Variants in CSMD1 observed in about 807,000 individuals in gnomAD.
CSMD1 encodes CUB and Sushi multiple domains 1.
A neutral mutation model predicts 417.5 loss-of-function variants in CSMD1; 213 were observed. The observed-to-expected ratio is 0.51, with a 90% CI of 0.46 to 0.57. CSMD1 has a LOEUF of 0.57. Among genes scored for constraint, CSMD1 ranks in the 20% least tolerant of loss-of-function variants. The pLI is 0.00. For missense variants in CSMD1, 6,923 were observed against 4,529.7 expected (o/e 1.53, Z -15.17); for synonymous variants, 2,862 against 1,736.8 (o/e 1.65, Z -16.11).
intron 69 of CSMD1, among the ~76,000 whole-genome samples, chr8:2,939,141 A>T (rs1406063494): frequency 6.6e-6 from 1 of 152,142 alleles, no homozygotes; most frequent in East Asian, 1.9e-4. Flanking sequence ...GCCCCAGGGA[A>T]ATCGGGAAGG....
At chr8:3,384,755 TAA>T (rs1394389436) in intron 18 of CSMD1, among the ~76,000 whole-genome samples, 2 of 125,978 alleles carry the variant, frequency 1.6e-5, no homozygotes, top group Non-Finnish European at 3.2e-5. Flanking sequence ...TATATTTATA[TAA>T]ATTATATAAA....
rs531242356 is a variant in CSMD1 at position 3,289,414 on chromosome 8, A to G, written c.3951-5068T>C. On this transcript the variant is annotated intron_variant, in intron 25 of 69. Transcript: ENST00000635120. ...GAGGAATCGCCACACTGACTTCACA[A>G]TGGTTGAACTAGTTTACAGTCCCAC... Among the ~76,000 whole-genome samples the G allele has an allele frequency of 1.9e-4, 28 of 147,492 alleles. No homozygotes were observed. The East Asian group carries it at 4.7e-3, about 25-fold the overall frequency.
intron 5 of CSMD1, among the ~76,000 whole-genome samples, chr8:3,914,721 C>CTT (rs374777750): frequency 6.6e-6 from 1 of 150,888 alleles, no homozygotes; most frequent in Non-Finnish European, 1.5e-5. Context: ...TTGACTATCC[C>CTT]TTTTTTTTTC....
chr8:3,628,241 A>G (rs1396456360), intron 7 of CSMD1, among the ~76,000 whole-genome samples: 4 of 152,178 alleles, frequency 2.6e-5, no homozygotes, highest in African/African-American at 9.7e-5. Context: ...ATGCTCTACA[A>G]TGAGAATAGT....
chr8:4,901,749 C>T (rs576685402), intron 1 of CSMD1, among the ~76,000 whole-genome samples: 5 of 152,174 alleles, frequency 3.3e-5, no homozygotes, highest in East Asian at 1.9e-4. Flanking sequence ...GCATAGAGGA[C>T]GGTAAGTAAA....
chr8:3,087,335 GC>G, intron 48 of CSMD1, 50 bp from the exon 49 acceptor site: 1 of 1,576,864 alleles, frequency 6.3e-7, no homozygotes, highest in Non-Finnish European at 8.7e-7. Context: ...CAAACAAATG[GC>G]CAGTGCCATT....
chr8:4,561,373 AAAAAC>A (rs1387985661), intron 2 of CSMD1, among the ~76,000 whole-genome samples: 2 of 152,284 alleles, frequency 1.3e-5, no homozygotes, highest in South Asian at 4.1e-4. Context: ...ACTCCATCTC[AAAAAC>A]AAAACAAAAC....
At chr8:4,717,549 C>CCTGTCTATCTATCTAT (rs1479361650) in intron 1 of CSMD1, among the ~76,000 whole-genome samples, 2 of 148,772 alleles carry the variant, frequency 1.3e-5, no homozygotes, top group African/African-American at 5.1e-5. Context: ...TGTCTGTCTA[C>CCTGTCTATCTATCTAT]CTATCTATCT....
At chr8:4,047,301 A>T (rs1798197626) in intron 3 of CSMD1, among the ~76,000 whole-genome samples, 1 of 152,216 alleles carries the variant, frequency 6.6e-6, no homozygotes, top group African/African-American at 2.4e-5. Context: ...GGAGAGAGAC[A>T]TAAAGTGGAA....
At chr8:4,152,677 G>C (rs922513407) in intron 3 of CSMD1, among the ~76,000 whole-genome samples, 3 of 151,622 alleles carry the variant, frequency 2.0e-5, no homozygotes, top group Admixed American at 2.0e-4. Flanking sequence ...GCAACAGAGC[G>C]AGACCTTGTC....
intron 1 of CSMD1, among the ~76,000 whole-genome samples, chr8:4,741,749 G>C (rs540711903): frequency 1.3e-5 from 2 of 152,180 alleles, no homozygotes; most frequent in South Asian, 2.1e-4. Flanking sequence ...GAAGTGGAGA[G>C]TCTCAGGCCC....
intron 5 of CSMD1, among the ~76,000 whole-genome samples, chr8:3,866,045 A>G (rs182554803): frequency 6.6e-6 from 1 of 150,640 alleles, no homozygotes; most frequent in African/African-American, 2.4e-5. Flanking sequence ...GTAACACTTA[A>G]AAAGAACAAG....
intron 5 of CSMD1, among the ~76,000 whole-genome samples, chr8:3,797,866 T>G (rs1800244636): frequency 1.3e-5 from 2 of 152,024 alleles, no homozygotes; most frequent in South Asian, 4.1e-4. Context: ...CCATTTTATA[T>G]TCCCACAGTA....
intron 6 of CSMD1, among the ~76,000 whole-genome samples, chr8:3,712,376 GA>G (rs1486733781): frequency 2.8e-5 from 2 of 72,158 alleles, no homozygotes; most frequent in Non-Finnish European, 5.7e-5. Context: ...AAAGAAACAG[GA>G]GAGAGAGAGA....
At position 4,073,694 on chromosome 8, in the gene CSMD1, C is replaced by T. The variant is rs527732921; in HGVS notation, c.416-41595G>A. 4.6e-5 allele frequency among the ~76,000 whole-genome samples: 7 copies of T among 152,186 alleles called. No homozygotes were observed. The East Asian group carries it at 1.4e-3, about 29-fold the overall frequency. ...TTATATTTAGATTATTTCTAAGTAA[C>T]TCACCAACATGCAAATATTGACTTG... On this transcript the variant is annotated intron_variant, in intron 3 of 69. Coordinates refer to ENST00000635120, the MANE Select transcript of CSMD1 (RefSeq NM_033225.6).
intron 38 of CSMD1, among the ~76,000 whole-genome samples, chr8:3,160,719 A>G (rs140590953): frequency 6.6e-6 from 1 of 152,238 alleles, no homozygotes; most frequent in African/African-American, 2.4e-5. Context: ...TAGTTTTCCT[A>G]TACTAAAGTG....
chr8:3,091,426 T>C (rs984553119), intron 48 of CSMD1, 90 bp downstream of exon 48: 9 of 927,530 alleles, frequency 9.7e-6, no homozygotes, highest in African/African-American at 6.8e-5. Flanking sequence ...ATTAGGATTA[T>C]ACTATAAATT....
At chr8:3,436,749 T>C (rs898029665) in intron 12 of CSMD1, among the ~76,000 whole-genome samples, 29 of 152,304 alleles carry the variant, frequency 1.9e-4, no homozygotes, top group African/African-American at 7.0e-4. Flanking sequence ...GCAATGAGCA[T>C]TTTTAGGAGT....
At chr8:3,931,679 C>T (rs186816626) in intron 5 of CSMD1, among the ~76,000 whole-genome samples, 1 of 149,408 alleles carries the variant, frequency 6.7e-6, no homozygotes, top group East Asian at 2.0e-4. Context: ...AACAAACAAA[C>T]AAACAACAAA....
Sources: allele counts gnomAD v4.1 joint callset (sites outside exome capture counted in the v4.1 genomes callset), GRCh38; gene constraint gnomAD v4.1.1; transcripts MANE v1.5; gene names NCBI Gene and HGNC (gene_info 2026-07-23, HGNC 2026-07-21).